PALD1: variants seen among roughly 807,000 people sequenced by gnomAD.
PALD1 encodes the protein phosphatase domain containing paladin 1, also known as paladin.
Under a neutral mutation model 96.0 loss-of-function variants are expected in PALD1, and 57 were observed. That is an observed-to-expected ratio of 0.59 (90% CI 0.48 to 0.74). The LOEUF (loss-of-function observed/expected upper bound fraction) is 0.74, where lower values mean the gene tolerates loss of function less well. Among genes scored for constraint, PALD1 ranks in the 30% least tolerant of loss-of-function variants. The pLI is 0.00. For missense variants in PALD1, 1,063 were observed against 1,143.7 expected (o/e 0.93, Z 1.02); for synonymous variants, 464 against 473.6 (o/e 0.98, Z 0.26).
At chr10:70,509,408 CAATGTGA>C (rs1483071555) in intron 1 of PALD1, among the ~76,000 whole-genome samples, 1 of 152,180 alleles carries the variant, frequency 6.6e-6, no homozygotes, top group Non-Finnish European at 1.5e-5. Context: ...CCTGAAGTTC[CAATGTGA>C]AATGCACTTG....
At chr10:70,463,435 A>T in the PALD1 span, among the ~76,000 whole-genome samples, 11 of 151,954 alleles carry the variant, frequency 7.2e-5, no homozygotes. Flanking sequence ...TAGAATTATG[A>T]CTTTACTCTC....
At chr10:70,461,099 C>T in the PALD1 span, among the ~76,000 whole-genome samples, 4 of 152,228 alleles carry the variant, frequency 2.6e-5, no homozygotes, top group East Asian at 1.9e-4. Flanking sequence ...CCCCGGCCTG[C>T]GGGCCTCAGC....
At chr10:70,472,025 G>A in the PALD1 span, among the ~76,000 whole-genome samples, 2 of 152,176 alleles carry the variant, frequency 1.3e-5, no homozygotes, top group African/African-American at 2.4e-5. Flanking sequence ...CCTTTGGAAT[G>A]TGCCTGGTAA....
intron 18 of PALD1, among the ~76,000 whole-genome samples, chr10:70,550,171 C>A (rs1721661019): frequency 6.6e-6 from 1 of 152,214 alleles, no homozygotes; most frequent in Non-Finnish European, 1.5e-5. Flanking sequence ...GAGCTTTAAA[C>A]CATGCTGTGG....
In PALD1 at chr10:70,483,196, C is replaced by T. The variant is rs576646005; in HGVS notation, c.-30+4137C>T. On this transcript the variant is annotated intron_variant, in intron 1 of 19. Transcript: ENST00000263563. ...CTTCACGTGGGCTTTGAGGGATGGCCAGGAGTTTGCAAAGGAGGAGGGCAA... is the reference window on the plus strand; with the variant it reads ...CTTCACGTGGGCTTTGAGGGATGGCTAGGAGTTTGCAAAGGAGGAGGGCAA... 2.6e-5 allele frequency among the ~76,000 whole-genome samples: 4 copies of T among 152,134 alleles called. No individual in the cohort carries two copies. The South Asian group carries it at 8.3e-4, about 32-fold the overall frequency.
At chr10:70,476,968 T>A (rs1026038261), upstream of PALD1, among the ~76,000 whole-genome samples, 30 of 152,152 alleles carry the variant, frequency 2.0e-4, no homozygotes, top group African/African-American at 6.8e-4. Flanking sequence ...TGCATCCCTA[T>A]AGGTATGCAT....
intron 1 of PALD1, among the ~76,000 whole-genome samples, chr10:70,487,130 A>ATTTTTTTTTTTTTTTT (rs10669002): frequency 9.1e-6 from 1 of 110,424 alleles, no homozygotes. Flanking sequence ...TCTGAGCCCA[A>ATTTTTTTTTTTTTTTT]TTTTTTTTTT....
intron 1 of PALD1, among the ~76,000 whole-genome samples, chr10:70,497,129 C>T (rs551559095): frequency 4.3e-4 from 65 of 152,382 alleles, no homozygotes; most frequent in Middle Eastern, 6.8e-3. Context: ...GTTTGCCCTA[C>T]GTGGTGGTTG....
chr10:70,533,084 G>T lies in PALD1; in HGVS notation c.870+14G>T. The T allele has an allele frequency of 7.0e-6, 11 of 1,562,624 alleles. No homozygotes were observed. The highest frequency in any genetic ancestry group is 8.7e-6 in the Non-Finnish European group (10 of 1,152,054). On this transcript the variant is annotated intron_variant, in intron 7 of 19. Coordinates refer to ENST00000263563, the MANE Select transcript of PALD1 (RefSeq NM_014431.3). Reference sequence around the variant, plus strand: ...AGTGTTCTCCGGGTAACTGGGGCACGGGCGCGCATGGGGGAGGAGTCTTGA... The same window carrying T: ...AGTGTTCTCCGGGTAACTGGGGCACTGGCGCGCATGGGGGAGGAGTCTTGA...
At chr10:70,522,780 C>T (rs563017767) in intron 1 of PALD1, among the ~76,000 whole-genome samples, 4 of 152,326 alleles carry the variant, frequency 2.6e-5, no homozygotes, top group African/African-American at 9.6e-5. Flanking sequence ...CAGGTGACCG[C>T]CGTGCTGTGA....
chr10:70,458,949 C>T, the PALD1 span, among the ~76,000 whole-genome samples: 3 of 152,220 alleles, frequency 2.0e-5, no homozygotes, highest in Non-Finnish European at 4.4e-5. Context: ...AGGATGGGCC[C>T]CGCACACCAT....
intron 19 of PALD1, among the ~76,000 whole-genome samples, chr10:70,566,121 G>A (rs889533641): frequency 1.3e-5 from 2 of 152,196 alleles, no homozygotes; most frequent in African/African-American, 2.4e-5. Context: ...GATGGTTTGA[G>A]TCTGGTGCCA....
Position 70,539,884 on chromosome 10 carries a change from C to A in PALD1, c.1908+122C>A. 1.2e-6 allele frequency: 1 copy of A among 823,650 alleles called. No homozygotes were observed. The highest frequency in any genetic ancestry group is 1.7e-5 in the South Asian group (1 of 58,912). 51.0% of individuals were successfully genotyped at this position (823,650 alleles called of 1,614,324 possible). A position where few individuals can be genotyped will look rare whatever the true frequency, so the allele number is the denominator to read the frequency against. ...CTTCTCTACGGGGCCCGGGAATGGT[C>A]TCACGAGGTTTTCCGATTTGGCCCA... On this transcript the variant is annotated intron_variant, in intron 15 of 19. Transcript: ENST00000263563. The surrounding 1 kb of genome is among the most constrained non-coding windows in gnomAD (Gnocchi z 4.5).
At chr10:70,523,300 A>G (rs2132346053) in intron 1 of PALD1, among the ~76,000 whole-genome samples, 1 of 152,320 alleles carries the variant, frequency 6.6e-6, no homozygotes, top group South Asian at 2.1e-4. Context: ...ACGGGCCCTG[A>G]TGCCTGGCCT....
At chr10:70,554,814 CAG>C (rs765389878) in intron 18 of PALD1, among the ~76,000 whole-genome samples, 134 of 150,884 alleles carry the variant, frequency 8.9e-4, no homozygotes, top group Non-Finnish European at 1.7e-3. Context: ...GGGAGCCACA[CAG>C]GGAGAAGGAA....
intron 5 of PALD1, among the ~76,000 whole-genome samples, chr10:70,531,809 GTGTC>G (rs1846998953): frequency 1.3e-5 from 2 of 151,910 alleles, no homozygotes; most frequent in Non-Finnish European, 2.9e-5. Flanking sequence ...TGGTGAAACT[GTGTC>G]TCTACTAAAA....
chr10:70,546,779 G>A lies in PALD1; in HGVS notation c.2122-527G>A, dbSNP rs187430583. Among the ~76,000 whole-genome samples the A allele has an allele frequency of 6.8e-4, 104 of 152,270 alleles. 1 individual carries two copies. Among genetic ancestry groups the A allele is most frequent in the Non-Finnish European group, 8.7e-4 (59 of 68,014 alleles). On this transcript the variant is annotated intron_variant, in intron 17 of 19. Coordinates refer to ENST00000263563, the MANE Select transcript of PALD1 (RefSeq NM_014431.3). The stretch of plus-strand genomic sequence containing the variant: ...AGCCTGGGCAACATGCCAAAACCCC[G>A]TTTCTACTAAAAGTACAAGATATTA...
intron 4 of PALD1, among the ~76,000 whole-genome samples, chr10:70,530,935 G>C (rs1446963783): frequency 6.6e-6 from 1 of 152,164 alleles, no homozygotes; most frequent in Non-Finnish European, 1.5e-5. Flanking sequence ...CACCATGCTA[G>C]GAATTATGGG....
At position 70,529,272 on chromosome 10, in the gene PALD1, A is replaced by G. The variant is rs776580989; in HGVS notation, c.229A>G (p.Lys77Glu). The G allele has an allele frequency of 2.0e-5, 28 of 1,418,710 alleles. No homozygotes were observed. The highest frequency in any genetic ancestry group is 5.7e-6 in the Non-Finnish European group (6 of 1,060,062). 87.9% of individuals were successfully genotyped at this position (1,418,710 alleles called of 1,614,324 possible). Residue 77 changes from lysine to glutamate, a missense_variant, in exon 3 of 20, where the codon AAG becomes GAG. Lys to Glu is a moderately conservative substitution (Grantham distance 56). Transcript: ENST00000263563. ...EEFQIHDELLKAHYTLGRLSD... is the reference protein window; with the variant it reads ...EEFQIHDELLEAHYTLGRLSD... ...GTTCCAGATCCATGATGAGCTGCTC[A>G]AGGCTCATTACACGTTGGGCCGGCT...
Sources: gnomAD v4.1 joint callset for allele counts (sites outside exome capture counted in the v4.1 genomes callset) on GRCh38, gnomAD v4.1.1 for gene constraint, Gnocchi (gnomAD v3.1) non-coding constraint, MANE v1.5 for transcripts, NCBI Gene and HGNC (gene_info 2026-07-23, HGNC 2026-07-21) for gene names.